The following TXNDC15 variants were observed in gnomAD, a reference collection of about 807,000 sequenced individuals.
The protein encoded by TXNDC15 is thioredoxin domain containing 15.
In TXNDC15, 24 loss-of-function variants were observed where a neutral mutation model predicts 35.0. The observed-to-expected ratio is 0.68, with a 90% confidence interval of 0.50 to 0.96. The LOEUF is 0.96. TXNDC15 is among the 40% of genes least tolerant of loss of function. The pLI, the probability that TXNDC15 is intolerant of heterozygous loss-of-function variation, is 0.00. For synonymous variants in TXNDC15, 169 were observed against 174.0 expected (o/e 0.97, Z 0.23); for missense variants, 385 against 453.3 (o/e 0.85, Z 1.37).
intron 1 of TXNDC15, among the ~76,000 whole-genome samples, chr5:134,875,780 G>T (rs1750022095): frequency 6.6e-6 from 1 of 151,858 alleles, no homozygotes; most frequent in African/African-American, 2.4e-5. Flanking sequence ...AGCGATTCTC[G>T]TGCCTCAGCC....
intron 1 of TXNDC15, among the ~76,000 whole-genome samples, chr5:134,881,775 C>T (rs1377264269): frequency 1.4e-5 from 2 of 146,218 alleles, no homozygotes; most frequent in African/African-American, 2.5e-5. Context: ...CGGGCAGAGG[C>T]GCCCCTCACC....
At chr5:134,893,901 G>T (rs930995343) in intron 3 of TXNDC15, among the ~76,000 whole-genome samples, 3 of 152,096 alleles carry the variant, frequency 2.0e-5, no homozygotes, top group Admixed American at 6.6e-5. Flanking sequence ...GTGGCAGGTG[G>T]TAGCACCTGA....
At chr5:134,893,358 C>T (rs1561901029) in intron 2 of TXNDC15, 134 bp from the exon 3 acceptor site, 4 of 1,009,106 alleles carry the variant, frequency 4.0e-6, no homozygotes, top group South Asian at 1.6e-5. Flanking sequence ...CAAAAGGTTC[C>T]GAGGGTTCCT....
At chr5:134,877,738 G>A (rs1273658675) in intron 1 of TXNDC15, among the ~76,000 whole-genome samples, 1 of 151,788 alleles carries the variant, frequency 6.6e-6, no homozygotes, top group Non-Finnish European at 1.5e-5. Flanking sequence ...CTCCCGAGTA[G>A]CTGGGATTAC....
upstream of TXNDC15, chr5:134,874,363 C>T (rs551902925): frequency 1.8e-5 from 25 of 1,417,382 alleles, no homozygotes; most frequent in South Asian, 1.7e-4. Context: ...TCTCCTCCCC[C>T]AGCCTTCCTC....
rs992611662 is a variant in TXNDC15 at position 134,888,164 on chromosome 5, A to C, written c.573A>C (p.Lys191Asn). 1 of 1,602,832 alleles carries C rather than the reference A, an allele frequency of 6.2e-7. No individual in the cohort carries two copies. The highest frequency in any genetic ancestry group is 1.3e-5 in the African/African-American group (1 of 74,640). Residue 191 changes from lysine to asparagine, a missense_variant, in exon 2 of 5, where the codon AAA becomes AAC. By Grantham distance (94) the Lys-to-Asn change is moderately conservative. Transcript: ENST00000358387. ...NITGLENFTL[K>N]ILNMSQDLMD... ...CAGGATTAGAAAATTTCACTCTGAA[A>C]ATTTTAAATATGTCACAGGTAAGGA...
At chr5:134,881,141 T>C (rs1345743256) in intron 1 of TXNDC15, among the ~76,000 whole-genome samples, 1 of 151,136 alleles carries the variant, frequency 6.6e-6, no homozygotes, top group African/African-American at 2.4e-5. Context: ...CTTTTTTTTT[T>C]TCCTGTGTGT....
At chr5:134,894,376 T>C (rs1750448855) in intron 3 of TXNDC15, among the ~76,000 whole-genome samples, 1 of 150,230 alleles carries the variant, frequency 6.7e-6, no homozygotes, top group Non-Finnish European at 1.5e-5. Context: ...TTTCTTTTTT[T>C]TTTTTTTTTG....
chr5:134,887,545 G>A (rs1012866713), intron 1 of TXNDC15, 150 bp from the exon 2 acceptor site: 8 of 959,550 alleles, frequency 8.3e-6, no homozygotes, highest in South Asian at 6.1e-5. Context: ...TCCTAACCTG[G>A]GAAATGGTGA....
Position 134,896,279 on chromosome 5 carries a change from T to C in TXNDC15, c.756-15T>C. On this transcript the variant is annotated splice_polypyrimidine_tract_variant and intron_variant, in intron 3 of 4. Coordinates refer to ENST00000358387, the MANE Select transcript of TXNDC15 (RefSeq NM_024715.4). ...TAATAATAAATTCAGGTTTTTTGAC[T>C]TCTTTCTCTTGTAGCCTTTCTACCA... The C allele has an allele frequency of 6.2e-7, 1 of 1,602,464 alleles. No individual in the cohort carries two copies. Among genetic ancestry groups the C allele is most frequent in the Non-Finnish European group, 8.5e-7 (1 of 1,177,300 alleles).
chr5:134,890,013 G>A (rs1302881435), intron 2 of TXNDC15, among the ~76,000 whole-genome samples: 9 of 152,118 alleles, frequency 5.9e-5, no homozygotes, highest in Admixed American at 5.9e-4. Context: ...CAGGATGGTA[G>A]TTACTGAGGG....
At chr5:134,878,580 C>T (rs1255946216) in intron 1 of TXNDC15, among the ~76,000 whole-genome samples, 3 of 152,226 alleles carry the variant, frequency 2.0e-5, no homozygotes, top group Non-Finnish European at 4.4e-5. Flanking sequence ...AAGGTGCTGA[C>T]CTAGGCTAGG....
rs773013478 is a variant in TXNDC15 at position 134,899,644 on chromosome 5, C to T, written c.1042C>T (p.Arg348Trp). Residue 348 changes from arginine to tryptophan, a missense_variant, in exon 5 of 5, where the codon CGG (arginine) becomes TGG (tryptophan). Coordinates refer to ENST00000358387, the MANE Select transcript of TXNDC15 (RefSeq NM_024715.4). The stretch of plus-strand genomic sequence containing the variant: ...TGCTACCATTCGAACTGAGAGTATT[C>T]GGTGGCTAATTCCAGGACAAGAGCA... The part of the protein sequence containing the change: ...MYATIRTESI[R>W]WLIPGQEQEH... 1.7e-5 allele frequency: 27 copies of T among 1,612,060 alleles called. No homozygotes were observed. In the East Asian group the frequency reaches 1.8e-4, roughly 11 times the overall value.
chr5:134,894,296 C>T lies in TXNDC15; in HGVS notation c.755+641C>T, dbSNP rs182473506. Among the ~76,000 whole-genome samples, 502 of 151,748 alleles carry T rather than the reference C, an allele frequency of 3.3e-3. 1 individual carries two copies. The highest frequency in any genetic ancestry group is 7.5e-3 in the Admixed American group (114 of 15,228). On this transcript the variant is annotated intron_variant, in intron 3 of 4. Transcript: ENST00000358387. The stretch of plus-strand genomic sequence containing the variant: ...CCTTGAACTCCTGGGCTCAAGCGAT[C>T]GTCCTGACTTAACCTCCTGAGTAGC...
chr5:134,881,803 G>A (rs1750152051), intron 1 of TXNDC15, among the ~76,000 whole-genome samples: 2 of 150,506 alleles, frequency 1.3e-5, no homozygotes, highest in Non-Finnish European at 3.0e-5. Flanking sequence ...CGGGGCGGCT[G>A]GCCGGGCGGG....
Position 134,900,132 on chromosome 5 carries a change from A to G in TXNDC15, c.*447A>G, listed in dbSNP as rs77548384. The G allele has an allele frequency of 0.011, 1,620 of 153,242 alleles. 25 individuals are homozygous for G. The highest frequency in any genetic ancestry group is 0.036 in the African/African-American group (1,511 of 41,558). 9.5% of individuals were successfully genotyped at this position (153,242 alleles called of 1,614,324 possible). A position where few individuals can be genotyped will look rare whatever the true frequency, so the allele number is the denominator to read the frequency against. ...TTTTCTTCTAGAGTCCATAGCAGGA[A>G]AGTATGTAACCAGAATTGGTTAGTG... is the stretch of plus-strand genomic sequence containing the variant. On this transcript the variant is annotated 3_prime_UTR_variant, in exon 5 of 5. Coordinates refer to ENST00000358387, the MANE Select transcript of TXNDC15 (RefSeq NM_024715.4).
intron 2 of TXNDC15, 113 bp downstream of exon 2, chr5:134,888,295 T>C (rs568460118): frequency 9.2e-7 from 1 of 1,083,822 alleles, no homozygotes; most frequent in Admixed American, 2.7e-5. Context: ...GTAAGCGAGA[T>C]AGCATTTAAT....
chr5:134,892,135 T>C, intron 2 of TXNDC15: 1 of 152,118 alleles, frequency 6.6e-6, no homozygotes, highest in East Asian at 1.9e-4. Context: ...TTCTCTTAGC[T>C]AGATGTTCTG....
At chr5:134,884,660 A>C (rs1750240017) in intron 1 of TXNDC15, among the ~76,000 whole-genome samples, 1 of 151,310 alleles carries the variant, frequency 6.6e-6, no homozygotes, top group East Asian at 2.0e-4. Context: ...TCTGCCTCCC[A>C]GGTCGATTTG....
Sources: gnomAD v4.1 joint callset for allele counts (sites outside exome capture counted in the v4.1 genomes callset) on GRCh38, gnomAD v4.1.1 for gene constraint, MANE v1.5 for transcripts, NCBI Gene and HGNC (gene_info 2026-07-23, HGNC 2026-07-21) for gene names.